Variants in MYH7B observed in about 807,000 individuals in gnomAD.
MYH7B encodes myosin-7B.
A neutral mutation model predicts 234.5 loss-of-function variants in MYH7B; 205 were observed. The ratio of observed to expected loss-of-function variants is 0.87; its 90% confidence interval spans 0.78 to 0.98. The LOEUF (loss-of-function observed/expected upper bound fraction) is 0.98. Ranked by LOEUF, MYH7B falls within the 50% of genes least tolerant of loss-of-function variation. MYH7B has a pLI of 0.00. For missense variants in MYH7B, 2,652 were observed against 2,633.4 expected (o/e 1.01, Z -0.15); for synonymous variants, 1,193 against 1,105.0 (o/e 1.08, Z -1.58).
At chr20:34,998,456 G>A (rs543140392) in intron 33 of MYH7B, 35 bp downstream of exon 33, 1 of 1,612,670 alleles carries the variant, frequency 6.2e-7, no homozygotes, top group South Asian at 1.1e-5. Context: ...CACCAGGCAG[G>A]GCTTTGGTGC....
intron 2 of MYH7B, among the ~76,000 whole-genome samples, chr20:34,971,830 C>T (rs1032010081): frequency 6.6e-6 from 1 of 152,210 alleles, no homozygotes; most frequent in Non-Finnish European, 1.5e-5. Flanking sequence ...TGATGGCGCC[C>T]CAACTCCTGC....
At chr20:34,995,546 G>A (rs2147225665) in exon 28 of MYH7B, 1 of 1,614,134 alleles carries the variant, frequency 6.2e-7, no homozygotes, top group Non-Finnish European at 8.5e-7. Context: ...ACTGGCCAAA[G>A]CTGAGAAGGA....
Position 35,000,787 on chromosome 20 carries a change from AG to A in MYH7B, c.5199del (p.Lys1734ArgfsTer11), listed in dbSNP as rs1216867394. 17 of 1,612,998 alleles carry A rather than the reference AG, an allele frequency of 1.1e-5. No homozygotes were observed. The highest frequency in any genetic ancestry group is 1.4e-5 in the Non-Finnish European group (17 of 1,179,402). On this transcript the variant is annotated frameshift_variant, in exon 40 of 45. Transcript: ENST00000262873. LOFTEE classifies it high-confidence loss of function. ...CCTCAGAACACAGGCCTCCTAAACC[AG>A]AAGAAGAAGCTGGAGGCGGACTTGG...
intron 2 of MYH7B, among the ~76,000 whole-genome samples, chr20:34,964,643 G>A (rs1468017777): frequency 6.6e-6 from 1 of 152,200 alleles, no homozygotes; most frequent in Non-Finnish European, 1.5e-5. Flanking sequence ...CTGGGACTGG[G>A]CGCGGTGGCT....
intron 43 of MYH7B, 190 bp downstream of exon 43, chr20:35,001,716 C>T (rs1386340589): frequency 1.2e-6 from 1 of 834,478 alleles, no homozygotes; most frequent in Non-Finnish European, 1.8e-6. Flanking sequence ...ATGTGCTTTC[C>T]CCTGGCCAAG....
exon 29 of MYH7B, chr20:34,996,350 A>G (rs2041067252): frequency 1.3e-6 from 2 of 1,586,466 alleles, no homozygotes; most frequent in Non-Finnish European, 1.7e-6. Context: ...GCACAGGTGA[A>G]GAACCTGACG....
intron 19 of MYH7B, 145 bp from the exon 20 acceptor site, chr20:34,989,595 T>G (rs1468336848): frequency 7.5e-5 from 57 of 760,806 alleles, no homozygotes; most frequent in Non-Finnish European, 7.2e-5. Flanking sequence ...TTGGAGTGGG[T>G]GTGGTGTCTG....
At position 34,986,879 on chromosome 20, in the gene MYH7B, TCCCCA is replaced by T. The variant is rs1569042682; in HGVS notation, c.905-6_905-2del. ...CTGACCCTCCCTTCTCTGCCCTGTG[TCCCCA>T]GACATGCTGCTTCTGTCTATGAACC... On this transcript the variant is annotated splice_acceptor_variant and splice_polypyrimidine_tract_variant and intron_variant, in intron 14 of 44. Coordinates refer to ENST00000262873, the Ensembl canonical transcript of MYH7B. LOFTEE classifies it high-confidence loss of function. The T allele has an allele frequency of 3.1e-6, 5 of 1,612,014 alleles. No individual in the cohort carries two copies. The highest frequency in any genetic ancestry group is 4.2e-6 in the Non-Finnish European group (5 of 1,178,228).
At chr20:34,971,061 C>T (rs1234462460) in intron 2 of MYH7B, among the ~76,000 whole-genome samples, 1 of 152,164 alleles carries the variant, frequency 6.6e-6, no homozygotes, top group Non-Finnish European at 1.5e-5. Flanking sequence ...TCATGTTAAT[C>T]ACTCTTGGGG....
At chr20:34,980,695 T>C in exon 8 of MYH7B, 2 of 1,614,156 alleles carry the variant, frequency 1.2e-6, no homozygotes, top group Non-Finnish European at 1.7e-6. Flanking sequence ...GCCCCATATA[T>C]ATGCGGTGGC....
chr20:34,982,622 C>CTTT, intron 10 of MYH7B, 67 bp downstream of exon 10: 3 of 1,061,706 alleles, frequency 2.8e-6, no homozygotes, highest in Middle Eastern at 2.4e-4. Flanking sequence ...TTCTTCCTCT[C>CTTT]TTTTTTTTTT....
exon 23 of MYH7B, chr20:34,990,773 C>T (rs374671505): frequency 1.2e-5 from 20 of 1,614,062 alleles, no homozygotes; most frequent in Middle Eastern, 1.6e-4. Context: ...ACCTGCGGGC[C>T]ACACAGCCCC....
At position 35,001,237 on chromosome 20, in the gene MYH7B, G is replaced by T. The variant is rs367745980; in HGVS notation, c.5476-8G>T. On this transcript the variant is annotated splice_region_variant and splice_polypyrimidine_tract_variant and intron_variant, in intron 41 of 44. Transcript: ENST00000262873. The stretch of plus-strand genomic sequence containing the variant: ...GGGCTTGGCATCAGGCTGTCCCCCT[G>T]CCTGCAGGTACGGGAGCTGGAGGCT... 2.6e-5 allele frequency: 42 copies of T among 1,608,718 alleles called. No individual in the cohort carries two copies. The highest frequency in any genetic ancestry group is 3.5e-5 in the Non-Finnish European group (41 of 1,176,916).
At chr20:35,002,232 A>C in exon 45 of MYH7B, 1 of 1,504,312 alleles carries the variant, frequency 6.6e-7, no homozygotes, top group African/African-American at 1.4e-5. Flanking sequence ...CTGCTGTTGC[A>C]CATCTGGCTG....
chr20:34,979,364 A>C, intron 5 of MYH7B, 26 bp from the exon 6 acceptor site: 1 of 1,571,492 alleles, frequency 6.4e-7, no homozygotes, highest in Non-Finnish European at 8.7e-7. Context: ...CCCCTCTCTG[A>C]GTCCAGAGCT....
intron 2 of MYH7B, among the ~76,000 whole-genome samples, chr20:34,962,727 A>C (rs975207913): frequency 6.6e-6 from 1 of 152,188 alleles, no homozygotes; most frequent in Non-Finnish European, 1.5e-5. Flanking sequence ...TCCTCGGTTC[A>C]AGGGATCCTC....
chr20:34,999,266 G>A (rs1236730436), exon 36 of MYH7B: 5 of 1,600,164 alleles, frequency 3.1e-6, no homozygotes, highest in Non-Finnish European at 4.3e-6. Flanking sequence ...GGCGGCAGGA[G>A]GAGGAGATGC....
At chr20:34,970,332 C>T (rs1198470414) in intron 2 of MYH7B, among the ~76,000 whole-genome samples, 12 of 152,244 alleles carry the variant, frequency 7.9e-5, no homozygotes, top group African/African-American at 2.7e-4. Flanking sequence ...GGGAAACCCA[C>T]TTGTCTCATA....
intron 2 of MYH7B, among the ~76,000 whole-genome samples, chr20:34,969,540 C>CTTTTTTTTTTTTTTTTTTTTTTTTTTTTT (rs770172832): frequency 7.9e-6 from 1 of 126,780 alleles, no homozygotes; most frequent in Non-Finnish European, 1.6e-5. Context: ...TCTTCTGCTC[C>CTTTTTTTTTTTTTTTTTTTTTTTTTTTTT]TTTTTTTTTT....
Sources: allele counts gnomAD v4.1 joint callset (sites outside exome capture counted in the v4.1 genomes callset), GRCh38; gene constraint gnomAD v4.1.1; transcripts MANE v1.5; gene names NCBI Gene and HGNC (gene_info 2026-07-23, HGNC 2026-07-21).